The following UVRAG variants were observed in gnomAD, a reference collection of about 807,000 sequenced individuals.
UVRAG encodes UV radiation resistance-associated gene protein.
In UVRAG, 19 loss-of-function variants were observed where a neutral mutation model predicts 78.0. The ratio of observed to expected loss-of-function variants is 0.24; its 90% CI spans 0.17 to 0.36. The LOEUF (loss-of-function observed/expected upper bound fraction) is 0.36. Ranked by LOEUF, UVRAG falls within the 10% of genes least tolerant of loss-of-function variation. The probability of loss-of-function intolerance (pLI) is 1.00; values close to 1 mark genes in which losing one functional copy is unlikely to be tolerated. For missense variants in UVRAG, 740 were observed against 853.8 expected (o/e 0.87, Z 1.66); for synonymous variants, 323 against 324.6 (o/e 1.00, Z 0.05).
At chr11:75,926,954 C>G (rs1948119245) in intron 6 of UVRAG, among the ~76,000 whole-genome samples, 1 of 151,928 alleles carries the variant, frequency 6.6e-6, no homozygotes, top group Non-Finnish European at 1.5e-5. Context: ...CATGCTTTAT[C>G]TCATTTAATC....
intron 12 of UVRAG, among the ~76,000 whole-genome samples, chr11:76,059,453 G>A (rs750305458): frequency 3.3e-5 from 5 of 152,172 alleles, no homozygotes; most frequent in Non-Finnish European, 7.3e-5. Flanking sequence ...ATAAGAGCTT[G>A]GACCAATGAT....
chr11:75,978,900 T>C (rs1052825695), intron 7 of UVRAG, among the ~76,000 whole-genome samples: 1 of 152,234 alleles, frequency 6.6e-6, no homozygotes, highest in Admixed American at 6.5e-5. Context: ...TCCGTCTAGC[T>C]TTGTTTAGTT....
intron 7 of UVRAG, among the ~76,000 whole-genome samples, chr11:75,968,033 A>G (rs1414499340): frequency 3.3e-5 from 5 of 152,322 alleles, no homozygotes; most frequent in Non-Finnish European, 4.4e-5. Flanking sequence ...GAACATCTCA[A>G]ATCAAAAATC....
chr11:76,046,774 G>T (rs1950765567), intron 12 of UVRAG, among the ~76,000 whole-genome samples: 1 of 152,024 alleles, frequency 6.6e-6, no homozygotes, highest in African/African-American at 2.4e-5. Context: ...GGAATAAAAG[G>T]ATATTAATTA....
intron 5 of UVRAG, among the ~76,000 whole-genome samples, chr11:75,894,157 A>G (rs1336995925): frequency 6.6e-6 from 1 of 152,218 alleles, no homozygotes. Context: ...ATGTGTTTTA[A>G]GGTGAAAGAA....
chr11:76,126,873 C>T (rs533987676), intron 14 of UVRAG, among the ~76,000 whole-genome samples: 11 of 152,216 alleles, frequency 7.2e-5, no homozygotes, highest in African/African-American at 2.6e-4. Context: ...ACACAAATAC[C>T]GTATTTTATT....
intron 2 of UVRAG, among the ~76,000 whole-genome samples, chr11:75,861,001 C>A (rs193201526): frequency 6.6e-6 from 1 of 152,202 alleles, no homozygotes; most frequent in African/African-American, 2.4e-5. Context: ...ATAAGAGCAG[C>A]ATGGAGATGA....
At position 76,141,634 on chromosome 11, in the gene UVRAG, T is replaced by A. The variant is rs1952725495; in HGVS notation, c.*221T>A. 9 of 568,164 alleles carry A rather than the reference T, an allele frequency of 1.6e-5. No individual in the cohort carries two copies. Among genetic ancestry groups the A allele is most frequent in the Non-Finnish European group, 2.8e-5 (9 of 326,532 alleles). The allele number at this position is 568,164 out of a possible 1,614,324, so 35.2% of individuals were successfully genotyped here. A position where few individuals can be genotyped will look rare whatever the true frequency, so the allele number is the denominator to read the frequency against. ...AGATTTGCTTTTCGGGCCTGATGATTTTAAAGCAAAAATCACCCTCTAGTT... is the reference window on the plus strand; with the variant it reads ...AGATTTGCTTTTCGGGCCTGATGATATTAAAGCAAAAATCACCCTCTAGTT... On this transcript the variant is annotated 3_prime_UTR_variant, in exon 15 of 15. Transcript: ENST00000356136.
At chr11:75,910,304 T>C (rs1381995412) in intron 5 of UVRAG, among the ~76,000 whole-genome samples, 1 of 152,232 alleles carries the variant, frequency 6.6e-6, no homozygotes, top group South Asian at 2.1e-4. Flanking sequence ...GATATTAACT[T>C]TTAATTCCCG....
rs978442067 is a variant in UVRAG at position 76,028,273 on chromosome 11, T to C, written c.1226+11293T>C. On this transcript the variant is annotated intron_variant, in intron 12 of 14. Transcript: ENST00000356136. ...TTCTGACTGCTCCACTGACCAGCTC[T>C]TCCCCCATCTCTCTCCCTCTCCTCA... Among the ~76,000 whole-genome samples the C allele has an allele frequency of 2.0e-5, 3 of 152,068 alleles. No individual in the cohort carries two copies. In the East Asian group the frequency reaches 5.8e-4, roughly 29 times the overall value.
chr11:76,050,629 A>T (rs1950846626), intron 12 of UVRAG, among the ~76,000 whole-genome samples: 1 of 152,198 alleles, frequency 6.6e-6, no homozygotes, highest in Non-Finnish European at 1.5e-5. Flanking sequence ...ACACTTACAG[A>T]TAGGAGTGGA....
chr11:76,034,195 TTCTG>T (rs1164050671), intron 12 of UVRAG, among the ~76,000 whole-genome samples: 1 of 152,154 alleles, frequency 6.6e-6, no homozygotes, highest in Non-Finnish European at 1.5e-5. Context: ...CAACATTATT[TTCTG>T]TCTATTTCTA....
At chr11:75,947,265 C>T (rs1948603738) in intron 6 of UVRAG, among the ~76,000 whole-genome samples, 1 of 152,196 alleles carries the variant, frequency 6.6e-6, no homozygotes, top group Non-Finnish European at 1.5e-5. Context: ...GATACGTGAC[C>T]TTAATTATAG....
intron 13 of UVRAG, among the ~76,000 whole-genome samples, chr11:76,104,752 C>G (rs962948012): frequency 1.1e-4 from 17 of 152,222 alleles, no homozygotes; most frequent in African/African-American, 4.1e-4. Flanking sequence ...TCTAATGATC[C>G]TGTCGGGTAT....
chr11:75,844,235 CT>C (rs757418052), intron 1 of UVRAG, among the ~76,000 whole-genome samples: 28 of 148,028 alleles, frequency 1.9e-4, no homozygotes, highest in East Asian at 4.0e-4. Context: ...TTCTTTTTTT[CT>C]TTTTTTTTTG....
chr11:75,963,289 T>C (rs1455146471), intron 7 of UVRAG, among the ~76,000 whole-genome samples: 2 of 152,236 alleles, frequency 1.3e-5, no homozygotes, highest in South Asian at 2.1e-4. Context: ...TAAGTATTTG[T>C]TGAATTTAAG....
At chr11:76,073,099 TG>T (rs908059490) in intron 13 of UVRAG, among the ~76,000 whole-genome samples, 1 of 152,176 alleles carries the variant, frequency 6.6e-6, no homozygotes, top group African/African-American at 2.4e-5. Context: ...ATATTTAAAA[TG>T]GGGTTCAATT....
At chr11:75,927,879 TAAG>T (rs1204428896) in intron 6 of UVRAG, among the ~76,000 whole-genome samples, 1 of 152,120 alleles carries the variant, frequency 6.6e-6, no homozygotes, top group African/African-American at 2.4e-5. Flanking sequence ...CCAAGCATGA[TAAG>T]AAGTTGTTGG....
chr11:76,021,262 A>G (rs1333892528), intron 12 of UVRAG, among the ~76,000 whole-genome samples: 1 of 152,190 alleles, frequency 6.6e-6, no homozygotes, highest in African/African-American at 2.4e-5. Context: ...TGTTCCTGCA[A>G]GGTTAGCAGG....
Sources: allele counts gnomAD v4.1 joint callset (sites outside exome capture counted in the v4.1 genomes callset), GRCh38; gene constraint gnomAD v4.1.1; transcripts MANE v1.5; gene names NCBI Gene and HGNC (gene_info 2026-07-23, HGNC 2026-07-21).